The following FBXO21 variants were observed in gnomAD, a reference collection of about 807,000 sequenced individuals.
FBXO21 encodes the protein F-box protein 21.
A neutral mutation model predicts 76.6 loss-of-function variants in FBXO21; 32 were observed. The observed-to-expected ratio is 0.42, with a 90% CI of 0.32 to 0.56. The LOEUF (loss-of-function observed/expected upper bound fraction) is 0.56. Among genes scored for constraint, FBXO21 ranks in the 20% least tolerant of loss-of-function variants. FBXO21 has a pLI of 0.16. For missense variants in FBXO21, 586 were observed against 797.3 expected (o/e 0.73, Z 3.19); for synonymous variants, 328 against 311.5 (o/e 1.05, Z -0.56).
In FBXO21 at chr12:117,146,052, C is replaced by T; in HGVS notation, c.*35G>A. ...GGAGTCCCGTTCTCTTGGAAGATAG[C>T]AGCAGCAGCAAAGGTGCAATGTCCT... On this transcript the variant is annotated 3_prime_UTR_variant, in exon 12 of 12. Transcript: ENST00000622495. 1 of 1,487,138 alleles carries T rather than the reference C, an allele frequency of 6.7e-7. No individual in the cohort carries two copies. The highest frequency in any genetic ancestry group is 1.4e-5 in the South Asian group (1 of 73,498). The allele number at this position is 1,487,138 out of a possible 1,614,324, so 92.1% of individuals were successfully genotyped here.
chr12:117,187,717 C>A (rs1210983712), intron 2 of FBXO21, among the ~76,000 whole-genome samples: 1 of 152,174 alleles, frequency 6.6e-6, no homozygotes, highest in African/African-American at 2.4e-5. Flanking sequence ...ACAGACTGTT[C>A]AAAACATACA....
chr12:117,181,568 TATCG>T (rs960844117), intron 3 of FBXO21, among the ~76,000 whole-genome samples: 7 of 146,648 alleles, frequency 4.8e-5, no homozygotes, highest in African/African-American at 1.0e-4. Context: ...TGAGACAGTC[TATCG>T]ATCGATCGAT....
intron 2 of FBXO21, 23 bp downstream of exon 2, chr12:117,189,204 G>A (rs1191193083): frequency 6.2e-7 from 1 of 1,614,136 alleles, no homozygotes; most frequent in Non-Finnish European, 8.5e-7. Flanking sequence ...CCAAAGCTTA[G>A]AGCCACATCA....
Position 117,189,324 on chromosome 12 carries a change from T to A in FBXO21, c.278A>T (p.Tyr93Phe). ...SLMKHYSPTDYVNWLEEYKVR... is the reference protein window; with the variant it reads ...SLMKHYSPTDFVNWLEEYKVR... ...TTTATACTCTTCCAACCAATTGACG[T>A]AGTCGGTGGGGCTGTAGTGTTTCAT... is the stretch of plus-strand genomic sequence containing the variant. The change falls in exon 2 of 12, where the codon TAC (tyrosine) becomes TTC (phenylalanine). Residue 93 changes from tyrosine to phenylalanine, a missense_variant. This residue lies in a region of FBXO21 where 246 missense variants were observed against 356.8 expected (regional missense o/e 0.69). Transcript: ENST00000622495. 1 of 1,614,088 alleles carries A rather than the reference T, an allele frequency of 6.2e-7. No individual in the cohort carries two copies. Among genetic ancestry groups the A allele is most frequent in the Non-Finnish European group, 8.5e-7 (1 of 1,179,982 alleles).
At chr12:117,177,365 A>T (rs920777509) in intron 4 of FBXO21, among the ~76,000 whole-genome samples, 155 bp downstream of exon 4, 1 of 152,198 alleles carries the variant, frequency 6.6e-6, no homozygotes, top group Non-Finnish European at 1.5e-5. Context: ...TACCTCATTG[A>T]TCAGGCCCTA....
chr12:117,189,098 CTAAG>C, intron 2 of FBXO21, 125 bp downstream of exon 2: 4 of 1,027,458 alleles, frequency 3.9e-6, no homozygotes, highest in Non-Finnish European at 4.4e-6. Flanking sequence ...TTGCAGCCAT[CTAAG>C]TGAGTAAGGG....
chr12:117,173,195 A>T (rs2135872682), intron 6 of FBXO21, among the ~76,000 whole-genome samples: 1 of 152,142 alleles, frequency 6.6e-6, no homozygotes, highest in Non-Finnish European at 1.5e-5. Context: ...TGCCTGGCTA[A>T]TTTTTTTGCA....
intron 11 of FBXO21, among the ~76,000 whole-genome samples, chr12:117,153,221 T>C (rs1429437868): frequency 6.6e-6 from 1 of 151,010 alleles, no homozygotes; most frequent in African/African-American, 2.4e-5. Flanking sequence ...AGAATGGAAA[T>C]GGGAGACACA....
rs1441501707 is a variant in FBXO21 at position 117,143,225 on chromosome 12, G to A, written c.*2862C>T. The A allele has an allele frequency of 6.6e-6, 1 of 152,070 alleles. No homozygotes were observed. The highest frequency in any genetic ancestry group is 2.4e-5 in the African/African-American group (1 of 41,396). The allele number at this position is 152,070 out of a possible 1,614,324, so 9.4% of individuals were successfully genotyped here. On this transcript the variant is annotated 3_prime_UTR_variant, in exon 12 of 12. Coordinates refer to ENST00000622495, the MANE Select transcript of FBXO21 (RefSeq NM_015002.3). ...GGGACGGTGCGTGCGTGTAGGGGAG[G>A]GAAATTCCAGGGTTTCATATATCAA... is the stretch of plus-strand genomic sequence containing the variant.
At chr12:117,182,197 C>T (rs569752174) in intron 3 of FBXO21, among the ~76,000 whole-genome samples, 1 of 152,256 alleles carries the variant, frequency 6.6e-6, no homozygotes, top group East Asian at 1.9e-4. Context: ...GGTATTCTAT[C>T]ATTTAAAAAC....
chr12:117,181,133 G>GT (rs939101784), intron 3 of FBXO21, among the ~76,000 whole-genome samples: 10 of 151,828 alleles, frequency 6.6e-5, no homozygotes, highest in South Asian at 4.2e-4. Context: ...TCTCTGTTTT[G>GT]TTTTTTTTGG....
chr12:117,175,337 G>A (rs1333417153), intron 4 of FBXO21, among the ~76,000 whole-genome samples: 1 of 152,212 alleles, frequency 6.6e-6, no homozygotes, highest in African/African-American at 2.4e-5. Context: ...AAACAGTTAT[G>A]CTCGGGGAAC....
intron 2 of FBXO21, among the ~76,000 whole-genome samples, chr12:117,187,696 T>C (rs1160028235): frequency 1.3e-5 from 2 of 152,184 alleles, no homozygotes; most frequent in African/African-American, 2.4e-5. Context: ...CCATCATTAT[T>C]ACACAGAGGC....
intron 7 of FBXO21, among the ~76,000 whole-genome samples, chr12:117,168,636 A>G (rs778311185): frequency 2.0e-5 from 3 of 152,248 alleles, no homozygotes; most frequent in African/African-American, 4.8e-5. Context: ...TTATGAGGCT[A>G]GAACTTCCTA....
intron 3 of FBXO21, among the ~76,000 whole-genome samples, chr12:117,182,335 T>C (rs1464434630): frequency 6.6e-6 from 1 of 151,928 alleles, no homozygotes; most frequent in Non-Finnish European, 1.5e-5. Flanking sequence ...CTCTACCAAA[T>C]AAAAATTAGC....
chr12:117,150,867 T>G (rs970743509), intron 11 of FBXO21, among the ~76,000 whole-genome samples: 4 of 74,084 alleles, frequency 5.4e-5, no homozygotes, highest in Non-Finnish European at 1.1e-4. Flanking sequence ...CAGCTGGCCA[T>G]GGACTGTGTG....
Position 117,189,374 on chromosome 12 carries a change from G to C in FBXO21, c.240-12C>G. On this transcript the variant is annotated splice_polypyrimidine_tract_variant and intron_variant, in intron 1 of 11. Coordinates refer to ENST00000622495, the MANE Select transcript of FBXO21 (RefSeq NM_015002.3). ...TAAGGGAAGGCCACCTACGAGGAGA[G>C]AAACACCCCCTCAGCTTAACAGAAA... 1 of 1,614,078 alleles carries C rather than the reference G, an allele frequency of 6.2e-7. No homozygotes were observed. The highest frequency in any genetic ancestry group is 8.5e-7 in the Non-Finnish European group (1 of 1,179,992).
At chr12:117,152,827 T>A (rs1955859845) in intron 11 of FBXO21, among the ~76,000 whole-genome samples, 1 of 152,288 alleles carries the variant, frequency 6.6e-6, no homozygotes, top group Admixed American at 6.5e-5. Flanking sequence ...AACAGTAAAA[T>A]CTCTATAGAT....
intron 11 of FBXO21, among the ~76,000 whole-genome samples, chr12:117,153,623 G>A (rs1403758925): frequency 6.6e-6 from 1 of 152,210 alleles, no homozygotes; most frequent in African/African-American, 2.4e-5. Context: ...GGACCCTGAA[G>A]ACAGCCACGT....
Sources: gnomAD v4.1 joint callset for allele counts (sites outside exome capture counted in the v4.1 genomes callset) on GRCh38, gnomAD v4.1.1 for gene constraint, gnomAD v4.1.1 regional missense constraint, MANE v1.5 for transcripts, NCBI Gene and HGNC (gene_info 2026-07-23, HGNC 2026-07-21) for gene names.